Variants in ZNF431 observed in about 807,000 individuals in gnomAD.
ZNF431 encodes the protein zinc finger protein 431.
A neutral mutation model predicts 57.0 loss-of-function variants in ZNF431; 34 were observed. The ratio of observed to expected loss-of-function variants is 0.60; its 90% confidence interval spans 0.45 to 0.79. The LOEUF is 0.79. Among genes scored for constraint, ZNF431 ranks in the 30% least tolerant of loss-of-function variants. The pLI, the probability that ZNF431 is intolerant of heterozygous loss-of-function variation, is 0.00. For missense variants in ZNF431, 607 were observed against 667.1 expected (o/e 0.91, Z 0.99); for synonymous variants, 207 against 220.3 (o/e 0.94, Z 0.54).
In ZNF431 at chr19:21,194,142, A is replaced by G. The variant is rs1490392235; in HGVS notation, c.*10108A>G. 6.6e-6 allele frequency: 1 copy of G among 152,240 alleles called. No homozygotes were observed. The highest frequency in any genetic ancestry group is 1.5e-5 in the Non-Finnish European group (1 of 68,044). The allele number at this position is 152,240 out of a possible 1,614,324, so 9.4% of individuals were successfully genotyped here. On this transcript the variant is annotated 3_prime_UTR_variant, in exon 5 of 5. Coordinates refer to ENST00000311048, the MANE Select transcript of ZNF431 (RefSeq NM_133473.4). ...TTTTACCAAAAGACTCCTAAGGTTAAAAATGACTTCAGCAAAGTCTCAGGA... is the reference window on the plus strand; with the variant it reads ...TTTTACCAAAAGACTCCTAAGGTTAGAAATGACTTCAGCAAAGTCTCAGGA...
At chr19:21,163,585 G>C (rs1970637273) in intron 2 of ZNF431, among the ~76,000 whole-genome samples, 2 of 152,106 alleles carry the variant, frequency 1.3e-5, no homozygotes, top group South Asian at 4.1e-4. Context: ...GTAATGGCAC[G>C]ATCTCGTCTC....
Position 21,193,167 on chromosome 19 carries a change from C to T in ZNF431, c.*9133C>T, listed in dbSNP as rs1001464258. 1.3e-5 allele frequency: 2 copies of T among 152,188 alleles called. No homozygotes were observed. The highest frequency in any genetic ancestry group is 2.9e-5 in the Non-Finnish European group (2 of 68,038). 9.4% of individuals were successfully genotyped at this position (152,188 alleles called of 1,614,324 possible). A position where few individuals can be genotyped will look rare whatever the true frequency, so the allele number is the denominator to read the frequency against. ...CATATACAGAGATGAGCTGGTATTA[C>T]TTCTACTGAATGTATTACTGAATGT... is the stretch of plus-strand genomic sequence containing the variant. On this transcript the variant is annotated 3_prime_UTR_variant, in exon 5 of 5. Transcript: ENST00000311048.
chr19:21,168,728 A>G (rs1970795879), intron 4 of ZNF431, among the ~76,000 whole-genome samples: 1 of 151,888 alleles, frequency 6.6e-6, no homozygotes. Context: ...TATATATTTC[A>G]TTGTAAAGAT....
At chr19:21,160,072 T>A (rs1970531415) in intron 2 of ZNF431, among the ~76,000 whole-genome samples, 1 of 151,750 alleles carries the variant, frequency 6.6e-6, no homozygotes, top group African/African-American at 2.4e-5. Flanking sequence ...GTACTTTACT[T>A]GATGTAACAC....
chr19:21,179,811 CA>C (rs1971163801), intron 4 of ZNF431, among the ~76,000 whole-genome samples: 1 of 152,110 alleles, frequency 6.6e-6, no homozygotes, highest in African/African-American at 2.4e-5. Context: ...CTGTCCGCCT[CA>C]GCCTCCCAAA....
intron 2 of ZNF431, among the ~76,000 whole-genome samples, chr19:21,148,717 T>A (rs1372651742): frequency 6.6e-6 from 1 of 152,234 alleles, no homozygotes; most frequent in Non-Finnish European, 1.5e-5. Context: ...AATTAGATGT[T>A]ACAATGTTAA....
In ZNF431 at chr19:21,185,262, A is replaced by G. The variant is rs1411514457; in HGVS notation, c.*1228A>G. ...ATTTGTATAGAACTTTAAGAGGATC[A>G]GAAGGTTTTTTGCAGAGTTATAATT... On this transcript the variant is annotated 3_prime_UTR_variant, in exon 5 of 5. Transcript: ENST00000311048. 2.0e-5 allele frequency: 3 copies of G among 152,272 alleles called. No individual in the cohort carries two copies. The highest frequency in any genetic ancestry group is 6.5e-5 in the Admixed American group (1 of 15,284). 9.4% of individuals were successfully genotyped at this position (152,272 alleles called of 1,614,324 possible). A position where few individuals can be genotyped will look rare whatever the true frequency, so the allele number is the denominator to read the frequency against.
At position 21,167,571 on chromosome 19, in the gene ZNF431, G is replaced by A. The variant is rs751106970; in HGVS notation, c.224G>A (p.Gly75Asp). ...ATGTTATTTATTTTTAATAAAGCAG[G>A]TGTTGCTGTCTCTAAGCAAGACCCA... ...LENYKNLVFL[G>D]VAVSKQDPVT... is the part of the protein sequence containing the mutation. The change falls in exon 4 of 5, where the codon GGT becomes GAT. Residue 75 changes from glycine (G) to aspartate (D), a missense_variant and splice_region_variant. Physicochemically the swap from Gly to Asp is moderately conservative, Grantham distance 94. Transcript: ENST00000311048. 69 of 1,559,840 alleles carry A rather than the reference G, an allele frequency of 4.4e-5. No individual in the cohort carries two copies. Among genetic ancestry groups the A allele is most frequent in the South Asian group, 9.4e-5 (8 of 85,050 alleles).
rs999990678 is a variant in ZNF431, at chr19:21,193,827, A to G, written c.*9793A>G. The G allele has an allele frequency of 3.3e-5, 5 of 152,194 alleles. No individual in the cohort carries two copies. Among genetic ancestry groups the G allele is most frequent in the African/African-American group, 1.2e-4 (5 of 41,452 alleles). 9.4% of individuals were successfully genotyped at this position (152,194 alleles called of 1,614,324 possible). On this transcript the variant is annotated 3_prime_UTR_variant, in exon 5 of 5. Coordinates refer to ENST00000311048, the MANE Select transcript of ZNF431 (RefSeq NM_133473.4). ...ATAGATGCAGAAAAAGCATTCAAGA[A>G]AATCCAGTATTCATTTATGAAAATA...
chr19:21,160,129 A>C (rs1970533051), intron 2 of ZNF431, among the ~76,000 whole-genome samples: 1 of 152,106 alleles, frequency 6.6e-6, no homozygotes, highest in Non-Finnish European at 1.5e-5. Context: ...TGCACATAAC[A>C]TCTTGCTTCT....
Position 21,153,267 on chromosome 19 carries a change from A to T in ZNF431, c.96+9624A>T, listed in dbSNP as rs577281851. Among the ~76,000 whole-genome samples the T allele has an allele frequency of 2.0e-5, 3 of 152,270 alleles. No individual in the cohort carries two copies. In the South Asian group the frequency reaches 6.2e-4, roughly 32 times the overall value. On this transcript the variant is annotated intron_variant, in intron 2 of 4. Transcript: ENST00000311048. Reference sequence around the variant, plus strand: ...GCCAGGTCTTTATGACCTGTATCTTATGCTGACCTCCTATCTCATCTTGTG... The same window carrying T: ...GCCAGGTCTTTATGACCTGTATCTTTTGCTGACCTCCTATCTCATCTTGTG...
rs542286630 is a variant in ZNF431, at chr19:21,148,681, A to G, written c.96+5038A>G. Among the ~76,000 whole-genome samples the G allele has an allele frequency of 2.0e-5, 3 of 152,330 alleles. No homozygotes were observed. The East Asian group carries it at 5.8e-4, about 29-fold the overall frequency. On this transcript the variant is annotated intron_variant, in intron 2 of 4. Coordinates refer to ENST00000311048, the MANE Select transcript of ZNF431 (RefSeq NM_133473.4). ...ATTTCACTTTCTCTGAATTCCTTGC[A>G]TGTAAAACTGTTTTTTAGTAGTCAA...
At position 21,191,965 on chromosome 19, in the gene ZNF431, TGTC is replaced by T. The variant is rs1483669862; in HGVS notation, c.*7932_*7934del. On this transcript the variant is annotated 3_prime_UTR_variant, in exon 5 of 5. Coordinates refer to ENST00000311048, the MANE Select transcript of ZNF431 (RefSeq NM_133473.4). ...TCATTTTGTGTAATACAAATATTAA[TGTC>T]AGTTCATGAATAGTCCATTTATGTA... 1 of 152,262 alleles carries T rather than the reference TGTC, an allele frequency of 6.6e-6. No homozygotes were observed. Among genetic ancestry groups the T allele is most frequent in the African/African-American group, 2.4e-5 (1 of 41,472 alleles). 9.4% of individuals were successfully genotyped at this position (152,262 alleles called of 1,614,324 possible).
At chr19:21,167,736 A>G (rs1031601219) in intron 4 of ZNF431, 70 bp downstream of exon 4, 64 of 1,041,560 alleles carry the variant, frequency 6.1e-5, no homozygotes, top group Non-Finnish European at 7.5e-5. Flanking sequence ...AAAATGTGCC[A>G]GTCCTTACAA....
intron 4 of ZNF431, among the ~76,000 whole-genome samples, chr19:21,168,727 C>G (rs1178601709): frequency 1.3e-5 from 2 of 151,368 alleles, no homozygotes; most frequent in Non-Finnish European, 3.0e-5. Flanking sequence ...ATATATATTT[C>G]ATTGTAAAGA....
In ZNF431 at chr19:21,191,722, C is replaced by T. The variant is rs1719092294; in HGVS notation, c.*7688C>T. Reference sequence around the variant, plus strand: ...ATGGATATATTTCTGCTGTTTTTTTCTTCTGCTCCATTGACCTATGTCTCT... The same window carrying T: ...ATGGATATATTTCTGCTGTTTTTTTTTTCTGCTCCATTGACCTATGTCTCT... On this transcript the variant is annotated 3_prime_UTR_variant, in exon 5 of 5. Coordinates refer to ENST00000311048, the MANE Select transcript of ZNF431 (RefSeq NM_133473.4). 6.6e-6 allele frequency: 1 copy of T among 151,918 alleles called. No homozygotes were observed. The highest frequency in any genetic ancestry group is 6.6e-5 in the Admixed American group (1 of 15,262). The allele number at this position is 151,918 out of a possible 1,614,324, so 9.4% of individuals were successfully genotyped here. A position where few individuals can be genotyped will look rare whatever the true frequency, so the allele number is the denominator to read the frequency against.
At chr19:21,166,482 C>T (rs1007604033) in intron 3 of ZNF431, 21 bp downstream of exon 3, 2 of 1,584,598 alleles carry the variant, frequency 1.3e-6, no homozygotes, top group African/African-American at 1.4e-5. Context: ...CTTTCATACA[C>T]AATTCTTAAT....
chr19:21,165,477 T>A (rs903801943), intron 2 of ZNF431, among the ~76,000 whole-genome samples: 1 of 152,226 alleles, frequency 6.6e-6, no homozygotes, highest in Non-Finnish European at 1.5e-5. Context: ...TATAATTGAC[T>A]TTTTGAGGGG....
rs573632473 is a variant in ZNF431, at chr19:21,155,978, T to C, written c.97-10357T>C. Among the ~76,000 whole-genome samples the C allele has an allele frequency of 4.6e-5, 7 of 152,292 alleles. No homozygotes were observed. The East Asian group carries it at 1.4e-3, about 29-fold the overall frequency. On this transcript the variant is annotated intron_variant, in intron 2 of 4. Transcript: ENST00000311048. ...ATGAAAACTTCAAGGAAAGGAGCTC[T>C]GATGACAGACCCCCTTTTCACAAAG... is the stretch of plus-strand genomic sequence containing the variant.
Sources: allele counts gnomAD v4.1 joint callset (sites outside exome capture counted in the v4.1 genomes callset), GRCh38; gene constraint gnomAD v4.1.1; transcripts MANE v1.5; gene names NCBI Gene and HGNC (gene_info 2026-07-23, HGNC 2026-07-21).